The following PTPRD variants were observed in gnomAD, a reference collection of about 807,000 sequenced individuals.
PTPRD encodes receptor-type tyrosine-protein phosphatase delta.
PTPRD carries 34 observed loss-of-function variants against 214.5 expected under a neutral mutation model. That is an observed-to-expected ratio of 0.16 (90% confidence interval 0.12 to 0.21). The LOEUF (loss-of-function observed/expected upper bound fraction) is 0.21. PTPRD is among the 10% of genes least tolerant of loss of function. The pLI is 1.00. For missense variants in PTPRD, 2,545 were observed against 2,398.7 expected (o/e 1.06, Z -1.27); for synonymous variants, 1,128 against 845.7 (o/e 1.33, Z -5.79).
In PTPRD at chr9:8,500,990, T is replaced by A. The variant is rs2097392444; in HGVS notation, c.1892A>T (p.Gln631Leu). 1.9e-6 allele frequency: 3 copies of A among 1,614,018 alleles called. No homozygotes were observed. The highest frequency in any genetic ancestry group is 2.5e-6 in the Non-Finnish European group (3 of 1,180,020). ...ATTCTGTTTTTCCACTGGTGGAGGT[T>A]GCCAACTTACCAAAATACTAGTGGA... is the stretch of plus-strand genomic sequence containing the variant. Reference protein sequence around the residue: ...PSSTSILVSWQPPPVEKQNGI... With the variant: ...PSSTSILVSWLPPPVEKQNGI... The change falls in exon 24 of 46, where the codon CAA (glutamine) becomes CTA (leucine). Residue 631 changes from glutamine to leucine, a missense_variant. By Grantham distance (113) the Gln-to-Leu change is moderately radical (BLOSUM62 -2). Transcript: ENST00000381196.
At chr9:9,318,865 C>T (rs1182662114) in intron 9 of PTPRD, among the ~76,000 whole-genome samples, 1 of 152,188 alleles carries the variant, frequency 6.6e-6, no homozygotes, top group East Asian at 1.9e-4. Flanking sequence ...TGGATAAACT[C>T]TCTGCTCTTC....
intron 5 of PTPRD, among the ~76,000 whole-genome samples, chr9:9,871,809 T>A (rs943159605): frequency 6.6e-6 from 1 of 152,134 alleles, no homozygotes; most frequent in Non-Finnish European, 1.5e-5. Context: ...GGCCCTAAGA[T>A]TATCTTCTGG....
In PTPRD at chr9:10,313,397, T is replaced by TACACACACACACACACACACACACAC. The variant is rs60788124; in HGVS notation, c.-545+27565_-545+27566insGTGTGTGTGTGTGTGTGTGTGTGTGT. On this transcript the variant is annotated intron_variant, in intron 3 of 45. Coordinates refer to ENST00000381196, the MANE Select transcript of PTPRD (RefSeq NM_002839.4). ...GACATGGTCAGAGACAGGTACAGAT[T>TACACACACACACACACACACACACAC]ACACACACACACACACACACAAATT... 3.4e-3 allele frequency among the ~76,000 whole-genome samples: 498 copies of TACACACACACACACACACACACACAC among 148,430 alleles called. 6 individuals carry two copies. The highest frequency in any genetic ancestry group is 0.012 in the African/African-American group (471 of 39,886).
chr9:8,504,519 A>T, intron 22 of PTPRD, 114 bp from the exon 23 acceptor site: 1 of 1,227,218 alleles, frequency 8.1e-7, no homozygotes, highest in Non-Finnish European at 1.2e-6. Flanking sequence ...TCATCAAAAT[A>T]TCACCAAAAG....
At chr9:8,601,768 A>G (rs2094882989) in intron 14 of PTPRD, among the ~76,000 whole-genome samples, 1 of 152,216 alleles carries the variant, frequency 6.6e-6, no homozygotes, top group Non-Finnish European at 1.5e-5. Context: ...AATAGCATAG[A>G]ATTCAAATGA....
At chr9:10,396,786 A>T (rs2098179073) in intron 2 of PTPRD, among the ~76,000 whole-genome samples, 1 of 152,024 alleles carries the variant, frequency 6.6e-6, no homozygotes, top group South Asian at 2.1e-4. Context: ...GATTTTCCCC[A>T]GGGACACTGT....
chr9:9,674,441 T>C (rs565197261), intron 7 of PTPRD, among the ~76,000 whole-genome samples: 13 of 151,822 alleles, frequency 8.6e-5, no homozygotes, highest in Admixed American at 2.6e-4. Context: ...AGAAAAAACA[T>C]ATAGAATATT....
In PTPRD at chr9:8,500,878, G is replaced by A. The variant is rs769785238; in HGVS notation, c.2004C>T (p.Asp668=). 6.2e-7 allele frequency: 1 copy of A among 1,614,186 alleles called. No homozygotes were observed. The highest frequency in any genetic ancestry group is 8.5e-7 in the Non-Finnish European group (1 of 1,180,026). The change falls in exon 24 of 46, where the codon GAC becomes GAT. Residue 668 remains aspartate, a synonymous_variant. Transcript: ENST00000381196. Reference sequence around the variant, plus strand: ...GCTGTTCCAAAAGGTATTTGGTAGTGTCCGAAGGAATTCCCAAAATCTCGT... The same window carrying A: ...GCTGTTCCAAAAGGTATTTGGTAGTATCCGAAGGAATTCCCAAAATCTCGT... ...KPHEILGIPS[D]TTKYLLEQLE...
chr9:8,407,437 C>G (rs1161601854), intron 35 of PTPRD, among the ~76,000 whole-genome samples: 2 of 152,168 alleles, frequency 1.3e-5, no homozygotes, highest in African/African-American at 4.8e-5. Context: ...GCTCACACAG[C>G]TAGATTCATA....
intron 34 of PTPRD, among the ~76,000 whole-genome samples, chr9:8,445,810 T>C (rs1188896824): frequency 6.6e-6 from 1 of 152,184 alleles, no homozygotes. Flanking sequence ...GCTGGGTTGG[T>C]GATTCTTTTT....
intron 5 of PTPRD, among the ~76,000 whole-genome samples, chr9:9,838,818 GT>G (rs1156341549): frequency 6.6e-6 from 1 of 152,056 alleles, no homozygotes. Flanking sequence ...TGCTTTTGGT[GT>G]TTTAGACATG....
At chr9:8,855,935 T>C (rs572109366) in intron 11 of PTPRD, among the ~76,000 whole-genome samples, 5 of 152,298 alleles carry the variant, frequency 3.3e-5, no homozygotes, top group South Asian at 2.1e-4. Context: ...TAATAGCTGA[T>C]AGCATGAGGG....
At chr9:10,280,562 ACT>A (rs1235390133) in intron 3 of PTPRD, among the ~76,000 whole-genome samples, 3 of 152,206 alleles carry the variant, frequency 2.0e-5, no homozygotes, top group Admixed American at 6.5e-5. Context: ...ACTGGGCTCC[ACT>A]CCCAGAGTCT....
intron 33 of PTPRD, among the ~76,000 whole-genome samples, chr9:8,457,043 T>C (rs1181144429): frequency 6.6e-6 from 1 of 152,170 alleles, no homozygotes; most frequent in Non-Finnish European, 1.5e-5. Flanking sequence ...TCAATTGCCT[T>C]GTGAATTTTT....
At chr9:9,019,650 G>T (rs1171638152) in intron 10 of PTPRD, among the ~76,000 whole-genome samples, 1 of 152,168 alleles carries the variant, frequency 6.6e-6, no homozygotes, top group Non-Finnish European at 1.5e-5. Flanking sequence ...AGGTTGCGGT[G>T]AGCCAAGGCT....
intron 5 of PTPRD, among the ~76,000 whole-genome samples, chr9:9,912,369 G>T (rs1470737311): frequency 6.6e-6 from 1 of 152,076 alleles, no homozygotes; most frequent in Non-Finnish European, 1.5e-5. Flanking sequence ...TTATCATGAG[G>T]TAGCAGTCTC....
At chr9:9,011,451 G>T (rs748994768) in intron 11 of PTPRD, among the ~76,000 whole-genome samples, 1 of 152,134 alleles carries the variant, frequency 6.6e-6, no homozygotes, top group Non-Finnish European at 1.5e-5. Flanking sequence ...TACCTCTGTG[G>T]TTGTTATAGG....
At chr9:8,376,428 T>C (rs562014610) in intron 38 of PTPRD, among the ~76,000 whole-genome samples, 179 bp downstream of exon 38, 1 of 152,062 alleles carries the variant, frequency 6.6e-6, no homozygotes, top group Non-Finnish European at 1.5e-5. Flanking sequence ...TTATATTTAC[T>C]GATAAATCGC....
intron 35 of PTPRD, among the ~76,000 whole-genome samples, chr9:8,426,886 A>C (rs1322916831): frequency 6.6e-6 from 1 of 151,884 alleles, no homozygotes; most frequent in Non-Finnish European, 1.5e-5. Context: ...AATTACTTGC[A>C]CTTTGAGTTT....
Sources: gnomAD v4.1 joint callset for allele counts (sites outside exome capture counted in the v4.1 genomes callset) on GRCh38, gnomAD v4.1.1 for gene constraint, MANE v1.5 for transcripts, NCBI Gene and HGNC (gene_info 2026-07-23, HGNC 2026-07-21) for gene names.